The following PTAFR variants were observed in gnomAD, a reference collection of about 807,000 sequenced individuals.
PTAFR encodes the protein platelet activating factor receptor, also known as platelet-activating factor receptor.
In PTAFR, 8 loss-of-function variants were observed where a neutral mutation model predicts 14.7. The observed-to-expected ratio is 0.54, with a 90% CI of 0.32 to 0.98. The LOEUF (loss-of-function observed/expected upper bound fraction) is 0.98, where lower values mean the gene tolerates loss of function less well. Among genes scored for constraint, PTAFR ranks in the 50% least tolerant of loss-of-function variants. PTAFR has a pLI of 0.04. For missense variants in PTAFR, 337 were observed against 451.2 expected (o/e 0.75, Z 2.29); for synonymous variants, 156 against 176.5 (o/e 0.88, Z 0.92).
intron 1 of PTAFR, among the ~76,000 whole-genome samples, chr1:28,187,906 C>CTTTCATT (rs1646619881): frequency 6.6e-6 from 1 of 152,176 alleles, no homozygotes; most frequent in Non-Finnish European, 1.5e-5. Context: ...AAGCCAGGTG[C>CTTTCATT]AGTGGCTCAC....
rs143304078 is a variant in PTAFR at position 28,150,120 on chromosome 1, C to A, written c.902G>T (p.Arg301Leu). The A allele has an allele frequency of 5.0e-6, 8 of 1,614,018 alleles. No homozygotes were observed. The highest frequency in any genetic ancestry group is 6.8e-6 in the Non-Finnish European group (8 of 1,180,030). Reference sequence around the variant, plus strand: ...GTAGAACTTTTCGGTGAGGTGCTTGCGGAACTTCTTGGTGAGGAAACAGTA... The same window carrying A: ...GTAGAACTTTTCGGTGAGGTGCTTGAGGAACTTCTTGGTGAGGAAACAGTA... ...VIYCFLTKKF[R>L]KHLTEKFYSM... Residue 301 changes from arginine to leucine, a missense_variant, in exon 2 of 2, where the codon CGC (arginine) becomes CTC (leucine). By Grantham distance (102) the Arg-to-Leu change is moderately radical (BLOSUM62 -2). Transcript: ENST00000373857. This position sits in a 1 kb window ranked among gnomAD's most constrained non-coding sequence, Gnocchi z 6.3.
chr1:28,176,437 C>A (rs1317361589), intron 1 of PTAFR, among the ~76,000 whole-genome samples, 155 bp downstream of exon 1: 1 of 140,616 alleles, frequency 7.1e-6, no homozygotes, highest in Non-Finnish European at 1.5e-5. Flanking sequence ...AGTGAGAGAC[C>A]CTGTCTCAAA....
chr1:28,154,811 C>CAAAAAAA (rs35917959), intron 1 of PTAFR, among the ~76,000 whole-genome samples: 1 of 37,304 alleles, frequency 2.7e-5, no homozygotes, highest in Non-Finnish European at 4.6e-5. Flanking sequence ...GACTCTGTCT[C>CAAAAAAA]AAAAAAAAAA....
chr1:28,178,001 A>G (rs953318736), upstream of PTAFR, among the ~76,000 whole-genome samples: 3 of 152,116 alleles, frequency 2.0e-5, no homozygotes, highest in Non-Finnish European at 2.9e-5. Context: ...CCCAGGCACC[A>G]GGCACTGGGG....
Position 28,167,741 on chromosome 1 carries a change from G to A in PTAFR, c.-39+8851C>T, listed in dbSNP as rs115519085. Among the ~76,000 whole-genome samples the A allele has an allele frequency of 7.1e-3, 983 of 139,164 alleles. 15 individuals carry two copies. The highest frequency in any genetic ancestry group is 0.051 in the Middle Eastern group (12 of 234). The allele number at this position is 139,164 out of a possible 152,430, so 91.3% of individuals were successfully genotyped here. A position where few individuals can be genotyped will look rare whatever the true frequency, so the allele number is the denominator to read the frequency against. On this transcript the variant is annotated intron_variant, in intron 1 of 1. Transcript: ENST00000373857. ...GTTCACTGCAACCTCCGCCTCCCGC[G>A]TTCAAGCGGTTCTCAGCCTCCCTAG...
At chr1:28,192,302 G>T (rs1364177193) in intron 1 of PTAFR, among the ~76,000 whole-genome samples, 11 of 152,078 alleles carry the variant, frequency 7.2e-5, no homozygotes, top group Non-Finnish European at 1.3e-4. Context: ...GCTTATGCCT[G>T]TAATCCCAGC....
chr1:28,192,895 T>C (rs1024734394), intron 1 of PTAFR, among the ~76,000 whole-genome samples: 2 of 152,072 alleles, frequency 1.3e-5, no homozygotes, highest in African/African-American at 4.8e-5. Flanking sequence ...GATCCACCTG[T>C]GTTTTTATTA....
At chr1:28,187,955 G>A (rs1265867233) in intron 1 of PTAFR, among the ~76,000 whole-genome samples, 1 of 151,916 alleles carries the variant, frequency 6.6e-6, no homozygotes, top group Non-Finnish European at 1.5e-5. Context: ...GAGGCAGGCC[G>A]ATCAATTGAG....
At chr1:28,168,776 C>T (rs1032794122) in intron 1 of PTAFR, among the ~76,000 whole-genome samples, 1 of 152,148 alleles carries the variant, frequency 6.6e-6, no homozygotes, top group Non-Finnish European at 1.5e-5. Context: ...TCAAGCGATT[C>T]TCCTGCCTCA....
At position 28,174,204 on chromosome 1, in the gene PTAFR, G is replaced by A. The variant is rs114162708; in HGVS notation, c.-39+2388C>T. Among the ~76,000 whole-genome samples, 212 of 152,226 alleles carry A rather than the reference G, an allele frequency of 1.4e-3. 1 individual carries two copies. Among genetic ancestry groups the A allele is most frequent in the Non-Finnish European group, 2.6e-3 (178 of 68,002 alleles). On this transcript the variant is annotated intron_variant, in intron 1 of 1. Coordinates refer to ENST00000373857, the MANE Select transcript of PTAFR (RefSeq NM_000952.5). ...CACTTGCCCTTTGGGAGCTGGCTCT[G>A]CTCCCGACCCAGACACACACCCCTA...
intron 1 of PTAFR, among the ~76,000 whole-genome samples, chr1:28,164,145 C>A (rs527765913): frequency 1.1e-3 from 160 of 152,282 alleles, no homozygotes; most frequent in Non-Finnish European, 1.7e-3. Context: ...AGAGGAGGGA[C>A]CATCGGGAGA....
intron 1 of PTAFR, among the ~76,000 whole-genome samples, chr1:28,192,733 G>A (rs1156971278): frequency 1.3e-5 from 2 of 151,326 alleles, no homozygotes; most frequent in African/African-American, 2.4e-5. Flanking sequence ...CGTAACCTCC[G>A]CTTCTCGGGT....
At position 28,150,243 on chromosome 1, in the gene PTAFR, A is replaced by C; in HGVS notation, c.779T>G (p.Leu260Arg). The change falls in exon 2 of 2, where the codon CTG becomes CGG. Residue 260 changes from leucine (L) to arginine (R), a missense_variant. Coordinates refer to ENST00000373857, the MANE Select transcript of PTAFR (RefSeq NM_000952.5). The surrounding 1 kb of genome is among the most constrained non-coding windows in gnomAD (Gnocchi z 6.3). ...VVQLPWTLAE[L>R]GFQDSKFHQA... ...GTGGAATTTGCTGTCCTGGAAGCCC[A>C]GCTCAGCAAGGGTCCAGGGCAGCTG... 1.9e-6 allele frequency: 3 copies of C among 1,613,352 alleles called. No homozygotes were observed. The highest frequency in any genetic ancestry group is 2.5e-6 in the Non-Finnish European group (3 of 1,179,392).
rs984971797 is a variant in PTAFR at position 28,183,930 on chromosome 1, GGATA to G, written c.-39+9788_-39+9791del. 1.6e-4 allele frequency among the ~76,000 whole-genome samples: 25 copies of G among 151,846 alleles called. No individual in the cohort carries two copies. The South Asian group carries it at 2.5e-3, about 15-fold the overall frequency. Reference sequence around the variant, plus strand: ...ACAAAAAAAACTTTAAATGATGGATGGATAGATAGATAGATAGATGATAGATCCA... The same window carrying G: ...ACAAAAAAAACTTTAAATGATGGATGGATAGATAGATAGATGATAGATCCA... On this transcript the variant is annotated intron_variant, in intron 1 of 1. Coordinates refer to the PTAFR transcript ENST00000305392.
chr1:28,170,575 T>C (rs1175472866), intron 1 of PTAFR, among the ~76,000 whole-genome samples: 2 of 152,046 alleles, frequency 1.3e-5, no homozygotes, highest in African/African-American at 4.8e-5. Context: ...TAGCCAGGCA[T>C]GGTGGCACAT....
chr1:28,175,560 A>G (rs1310590024), intron 1 of PTAFR, among the ~76,000 whole-genome samples: 1 of 151,858 alleles, frequency 6.6e-6, no homozygotes, highest in Non-Finnish European at 1.5e-5. Flanking sequence ...GTTCTGTCAT[A>G]TTTCACAAGT....
intron 1 of PTAFR, among the ~76,000 whole-genome samples, chr1:28,160,316 G>T (rs1409080430): frequency 6.6e-6 from 1 of 151,188 alleles, no homozygotes; most frequent in Non-Finnish European, 1.5e-5. Flanking sequence ...GTAGGATAAT[G>T]ATATGGTGGT....
In PTAFR at chr1:28,150,997, T is replaced by C. The variant is rs777875752; in HGVS notation, c.25A>G (p.Met9Val). MEPHDSSHMDSEFRYTLFP... is the reference protein window; with the variant it reads MEPHDSSHVDSEFRYTLFP... ...AGAGTGTATCGGAACTCAGAGTCCA[T>C]GTGGGAGGAGTCATGTGGCTCCATT... The change falls in exon 2 of 2, where the codon ATG (methionine) becomes GTG (valine). Residue 9 changes from methionine to valine, a missense_variant. By Grantham distance (21) the Met-to-Val change is conservative (BLOSUM62 1). Coordinates refer to ENST00000373857, the MANE Select transcript of PTAFR (RefSeq NM_000952.5). This position sits in a 1 kb window ranked among gnomAD's most constrained non-coding sequence, Gnocchi z 6.3. 13 of 1,599,648 alleles carry C rather than the reference T, an allele frequency of 8.1e-6. No individual in the cohort carries two copies. The East Asian group carries it at 2.5e-4, about 30-fold the overall frequency.
chr1:28,172,031 G>C (rs184102243), intron 1 of PTAFR, among the ~76,000 whole-genome samples: 1 of 151,868 alleles, frequency 6.6e-6, no homozygotes, highest in Non-Finnish European at 1.5e-5. Flanking sequence ...GGGGTGGGGG[G>C]TTGAGACTGA....
Sources: gnomAD v4.1 joint callset for allele counts (sites outside exome capture counted in the v4.1 genomes callset) on GRCh38, gnomAD v4.1.1 for gene constraint, Gnocchi (gnomAD v3.1) non-coding constraint, MANE v1.5 for transcripts, NCBI Gene and HGNC (gene_info 2026-07-23, HGNC 2026-07-21) for gene names.